The following CAV1 variants were observed in gnomAD, a reference collection of about 807,000 sequenced individuals.
CAV1 encodes the protein caveolin 1.
CAV1 carries 10 observed loss-of-function variants against 16.5 expected under a neutral mutation model. The ratio of observed to expected loss-of-function variants is 0.61; its 90% confidence interval spans 0.37 to 1.03. CAV1 has a LOEUF of 1.03. CAV1 is among the 50% of genes least tolerant of loss of function. CAV1 has a pLI of 0.01. For synonymous variants in CAV1, 76 were observed against 85.1 expected, an observed-to-expected ratio of 0.89 and a Z score of 0.59; for missense variants, 212 against 232.8, an observed-to-expected ratio of 0.91 and a Z score of 0.58.
chr7:116,554,036 AG>A (rs1395164841), intron 2 of CAV1, among the ~76,000 whole-genome samples: 1 of 152,208 alleles, frequency 6.6e-6, no homozygotes, highest in Non-Finnish European at 1.5e-5. Context: ...TAAAATGGGA[AG>A]ATATACTTGG....
At position 116,561,177 on chromosome 7, in the gene CAV1, A is replaced by G. The variant is rs917116576; in HGVS notation, c.*1890A>G. 2 of 152,390 alleles carry G rather than the reference A, an allele frequency of 1.3e-5. No individual in the cohort carries two copies. Among genetic ancestry groups the G allele is most frequent in the African/African-American group, 4.8e-5 (2 of 41,474 alleles). The allele number at this position is 152,390 out of a possible 1,614,324, so 9.4% of individuals were successfully genotyped here. A position where few individuals can be genotyped will look rare whatever the true frequency, so the allele number is the denominator to read the frequency against. ...TGCACAATAAAAATGTTTAACGGTT[A>G]AACAGTCAGCTTTATTATTTTTTCC... On this transcript the variant is annotated 3_prime_UTR_variant, in exon 3 of 3. Coordinates refer to ENST00000341049, the MANE Select transcript of CAV1 (RefSeq NM_001753.5).
At chr7:116,549,309 G>A (rs1794112726) in intron 2 of CAV1, among the ~76,000 whole-genome samples, 1 of 152,192 alleles carries the variant, frequency 6.6e-6, no homozygotes, top group Non-Finnish European at 1.5e-5. Flanking sequence ...CACAACTGCA[G>A]TGATTCAGGT....
intron 1 of CAV1, chr7:116,526,176 C>T (rs1400776823): frequency 3.3e-6 from 2 of 601,658 alleles, no homozygotes; most frequent in Non-Finnish European, 4.2e-6. Context: ...CGAGGTCCTG[C>T]GGGTCCTGCG....
At chr7:116,526,751 C>T (rs1793572102) in intron 2 of CAV1, 62 bp downstream of exon 2, 1 of 1,594,352 alleles carries the variant, frequency 6.3e-7, no homozygotes, top group Middle Eastern at 1.7e-4. Flanking sequence ...TTAGCCCGTG[C>T]ATCCTTCTTT....
chr7:116,555,586 AAGAAAGAAAGAAAGAAAG>A (rs1562838599), intron 2 of CAV1, among the ~76,000 whole-genome samples: 25 of 104,074 alleles, frequency 2.4e-4, no homozygotes, highest in African/African-American at 9.5e-4. Context: ...GAAAGAAAGA[AAGAAAGAAAGAAAGAAAG>A]AGAAAGAAAG....
chr7:116,549,058 C>A (rs1794107403), intron 2 of CAV1, among the ~76,000 whole-genome samples: 1 of 152,148 alleles, frequency 6.6e-6, no homozygotes, highest in Non-Finnish European at 1.5e-5. Flanking sequence ...AAAGAGTATG[C>A]CTGCCTCTTT....
chr7:116,542,336 A>T (rs1263045753), intron 2 of CAV1, among the ~76,000 whole-genome samples: 1 of 152,186 alleles, frequency 6.6e-6, no homozygotes, highest in Non-Finnish European at 1.5e-5. Context: ...GGGAACATTT[A>T]AAAACACTGT....
In CAV1 at chr7:116,559,189, G is replaced by A; in HGVS notation, c.439G>A (p.Val147Ile). Residue 147 changes from valine to isoleucine, a missense_variant, in exon 3 of 3, where the codon GTC (valine) becomes ATC (isoleucine). Transcript: ENST00000341049. ...GATTGAGATTCAGTGCATCAGCCGT[G>A]TCTATTCCATCTACGTCCACACCGT... ...FLIEIQCISR[V>I]YSIYVHTVCD... 1 of 1,613,992 alleles carries A rather than the reference G, an allele frequency of 6.2e-7. No individual in the cohort carries two copies. Among genetic ancestry groups the A allele is most frequent in the East Asian group, 2.2e-5 (1 of 44,880 alleles).
At chr7:116,547,005 T>C (rs540138964) in intron 2 of CAV1, among the ~76,000 whole-genome samples, 61 of 152,202 alleles carry the variant, frequency 4.0e-4, no homozygotes, top group Non-Finnish European at 7.1e-4. Flanking sequence ...TGTTTGGCAT[T>C]CTGTGGATTG....
At position 116,559,454 on chromosome 7, in the gene CAV1, T is replaced by A. The variant is rs550437121; in HGVS notation, c.*167T>A. ...GTTTTCATAAGTATTATGTCTCTTC[T>A]GAGCTATTTCATCTATTTTTGGCAG... On this transcript the variant is annotated 3_prime_UTR_variant, in exon 3 of 3. Coordinates refer to ENST00000341049, the MANE Select transcript of CAV1 (RefSeq NM_001753.5). 346 of 622,040 alleles carry A rather than the reference T, an allele frequency of 5.6e-4. 2 individuals carry two copies. Among genetic ancestry groups the A allele is most frequent in the Admixed American group, 1.9e-3 (67 of 34,580 alleles). The allele number at this position is 622,040 out of a possible 1,614,324, so 38.5% of individuals were successfully genotyped here.
At chr7:116,525,459 G>A (rs1793537531) in intron 1 of CAV1, 2 of 1,364,036 alleles carry the variant, frequency 1.5e-6, no homozygotes, top group African/African-American at 1.5e-5. Flanking sequence ...GTTCGAAGAG[G>A]TGGAGTGCAG....
At chr7:116,527,329 A>G (rs1042113544) in intron 2 of CAV1, among the ~76,000 whole-genome samples, 4 of 152,250 alleles carry the variant, frequency 2.6e-5, no homozygotes, top group Admixed American at 2.6e-4. Context: ...AAAACAATGT[A>G]TGCCTCTTGG....
chr7:116,555,600 GAA>G (rs1554357883), intron 2 of CAV1, among the ~76,000 whole-genome samples: 1 of 82,140 alleles, frequency 1.2e-5, no homozygotes, highest in African/African-American at 5.0e-5. Context: ...AAGAAAGAAA[GAA>G]AGAGAAAGAA....
Position 116,526,514 on chromosome 7 carries a change from G to T in CAV1, c.31-11G>T. On this transcript the variant is annotated splice_polypyrimidine_tract_variant and intron_variant, in intron 1 of 2. Coordinates refer to ENST00000341049, the MANE Select transcript of CAV1 (RefSeq NM_001753.5). ...TCCCCGTCCTGGCCGTCCGCCCTCC[G>T]CCCTCTGCAGGGACATCTCTACACC... 5 of 1,613,620 alleles carry T rather than the reference G, an allele frequency of 3.1e-6. No homozygotes were observed. The East Asian group carries it at 1.1e-4, about 36-fold the overall frequency.
intron 2 of CAV1, among the ~76,000 whole-genome samples, chr7:116,554,906 G>T (rs572339414): frequency 9.2e-5 from 14 of 152,230 alleles, no homozygotes; most frequent in African/African-American, 3.1e-4. Context: ...GCAAAAATGC[G>T]CAGACTTGAA....
chr7:116,559,096 G>A lies in CAV1; in HGVS notation c.346G>A (p.Gly116Ser). 6.2e-7 allele frequency: 1 copy of A among 1,613,810 alleles called. No homozygotes were observed. Among genetic ancestry groups the A allele is most frequent in the Non-Finnish European group, 8.5e-7 (1 of 1,179,886 alleles). ...TGGCATCCCGATGGCACTCATCTGGGGCATTTACTTCGCCATTCTCTCTTT... is the reference window on the plus strand; with the variant it reads ...TGGCATCCCGATGGCACTCATCTGGAGCATTTACTTCGCCATTCTCTCTTT... Reference protein sequence around the residue: ...LFGIPMALIWGIYFAILSFLH... With the variant: ...LFGIPMALIWSIYFAILSFLH... The change falls in exon 3 of 3, where the codon GGC becomes AGC. Residue 116 changes from glycine to serine, a missense_variant. Physicochemically the swap from Gly to Ser is moderately conservative, Grantham distance 56. Transcript: ENST00000341049.
chr7:116,531,806 A>G (rs1249557155), intron 2 of CAV1, among the ~76,000 whole-genome samples: 3 of 152,192 alleles, frequency 2.0e-5, no homozygotes, highest in Non-Finnish European at 4.4e-5. Flanking sequence ...AGATAGCTTC[A>G]CAAGTTGGTG....
intron 2 of CAV1, among the ~76,000 whole-genome samples, chr7:116,552,929 G>A (rs1298934560): frequency 6.6e-6 from 1 of 152,202 alleles, no homozygotes; most frequent in Non-Finnish European, 1.5e-5. Flanking sequence ...TGTTGGCAGA[G>A]AAGTGGGACT....
In CAV1 at chr7:116,560,016, C is replaced by A; in HGVS notation, c.*729C>A. 1 of 395,676 alleles carries A rather than the reference C, an allele frequency of 2.5e-6. No homozygotes were observed. Among genetic ancestry groups the A allele is most frequent in the Non-Finnish European group, 4.5e-6 (1 of 224,444 alleles). 24.5% of individuals were successfully genotyped at this position (395,676 alleles called of 1,614,324 possible). A position where few individuals can be genotyped will look rare whatever the true frequency, so the allele number is the denominator to read the frequency against. ...CAACTCGCTTTAGGTCAGCAGCCTC[C>A]CTGAAGACCAAAATTAGAATATCCA... On this transcript the variant is annotated 3_prime_UTR_variant, in exon 3 of 3. Coordinates refer to ENST00000341049, the MANE Select transcript of CAV1 (RefSeq NM_001753.5).
Sources: allele counts gnomAD v4.1 joint callset (sites outside exome capture counted in the v4.1 genomes callset), GRCh38; gene constraint gnomAD v4.1.1; transcripts MANE v1.5; gene names NCBI Gene and HGNC (gene_info 2026-07-23, HGNC 2026-07-21).